VEGFD: variants seen among roughly 807,000 people sequenced by gnomAD.
VEGFD encodes the protein c-fos induced growth factor (vascular endothelial growth factor D).
VEGFD carries 26 observed loss-of-function variants against 28.0 expected under a neutral mutation model. The observed-to-expected ratio is 0.93, with a 90% CI of 0.68 to 1.29. The LOEUF (loss-of-function observed/expected upper bound fraction) is 1.29. Among genes scored for constraint, VEGFD ranks in the 50% most tolerant of loss-of-function variants. VEGFD has a pLI of 0.00. For synonymous variants in VEGFD, 93 were observed against 95.5 expected, an observed-to-expected ratio of 0.97 and a Z score of 0.15; for missense variants, 294 against 273.4, an observed-to-expected ratio of 1.08 and a Z score of -0.53.
At chrX:15,367,292 G>C (rs1468202626) in intron 1 of VEGFD, among the ~76,000 whole-genome samples, 1 of 112,280 alleles carries the variant, frequency 8.9e-6, no homozygotes, top group Non-Finnish European at 1.9e-5. Flanking sequence ...TTTGAATCAA[G>C]GCAAAATTGT....
intron 1 of VEGFD, among the ~76,000 whole-genome samples, chrX:15,366,824 C>G (rs1923159146): frequency 8.9e-6 from 1 of 112,491 alleles, no homozygotes; most frequent in African/African-American, 3.2e-5. Context: ...TGTCTTCTAG[C>G]CCAGATCCAT....
chrX:15,348,958 T>G (rs776347826), intron 5 of VEGFD, among the ~76,000 whole-genome samples: 1 of 112,623 alleles, frequency 8.9e-6, no homozygotes, highest in African/African-American at 3.2e-5. Context: ...CCATATGTTC[T>G]TGCCAATATC....
chrX:15,379,119 C>T (rs1186790673), intron 1 of VEGFD, among the ~76,000 whole-genome samples: 1 of 111,565 alleles, frequency 9.0e-6, no homozygotes, highest in African/African-American at 3.3e-5. Context: ...GTACTGTATC[C>T]GCTCCCCCTA....
intron 5 of VEGFD, among the ~76,000 whole-genome samples, chrX:15,352,822 G>A (rs1201015740): frequency 9.0e-6 from 1 of 111,619 alleles, no homozygotes; most frequent in Non-Finnish European, 1.9e-5. Context: ...TCTGGAATCT[G>A]ACCACTTCTA....
chrX:15,351,027 A>ATTT (rs35997805), intron 5 of VEGFD, among the ~76,000 whole-genome samples: 492 of 14,756 alleles, frequency 0.033, 158 homozygotes, highest in Non-Finnish European at 0.054. Flanking sequence ...ATGCCCAGCT[A>ATTT]TTTTTTTTTT....
At chrX:15,372,587 A>AT (rs921180688) in intron 1 of VEGFD, among the ~76,000 whole-genome samples, 1 of 110,883 alleles carries the variant, frequency 9.0e-6, no homozygotes, top group African/African-American at 3.3e-5. Flanking sequence ...TGCCATCAGG[A>AT]TTTTTTAAAA....
At chrX:15,379,520 G>A (rs1440979715) in intron 1 of VEGFD, among the ~76,000 whole-genome samples, 1 of 111,599 alleles carries the variant, frequency 9.0e-6, no homozygotes, top group Non-Finnish European at 1.9e-5. Context: ...AAGAACTAGT[G>A]GCAAGGAAGA....
Position 15,345,964 on chromosome X carries a change from A to G in VEGFD, c.*169T>C, listed in dbSNP as rs1352884918. On this transcript the variant is annotated 3_prime_UTR_variant, in exon 7 of 7. Transcript: ENST00000297904. Reference sequence around the variant, plus strand: ...ATCTGCAGCTAGAAGACATCCATCAATGAACCAGGGACTCCTTAGCTGGTG... The same window carrying G: ...ATCTGCAGCTAGAAGACATCCATCAGTGAACCAGGGACTCCTTAGCTGGTG... 35 of 527,318 alleles carry G rather than the reference A, an allele frequency of 6.6e-5. 2 individuals carry two copies. Among genetic ancestry groups the G allele is most frequent in the Admixed American group, 3.6e-5 (1 of 27,551 alleles). The allele number at this position is 527,318 out of a possible 1,213,427, so 43.5% of individuals were successfully genotyped here.
At chrX:15,377,393 C>T (rs754542756) in intron 1 of VEGFD, among the ~76,000 whole-genome samples, 16 of 112,000 alleles carry the variant, frequency 1.4e-4, no homozygotes, top group African/African-American at 4.9e-4. Flanking sequence ...GCAAAGTATA[C>T]GTTCTTCCGT....
chrX:15,383,799 G>A (rs1304337431), intron 1 of VEGFD, 58 bp downstream of exon 1: 2 of 896,476 alleles, frequency 2.2e-6, no homozygotes, highest in Non-Finnish European at 3.3e-6. Flanking sequence ...GGCAAAGAAA[G>A]TCCTCTGTAT....
Position 15,353,107 on chromosome X carries a change from A to T in VEGFD, c.703T>A (p.Cys235Ser). 8.4e-7 allele frequency: 1 copy of T among 1,190,092 alleles called. No homozygotes were observed. The highest frequency in any genetic ancestry group is 3.1e-5 in the East Asian group (1 of 32,623). Residue 235 changes from cysteine to serine, a missense_variant, in exon 5 of 7, where the codon TGT (cysteine) becomes AGT (serine). Transcript: ENST00000297904. ...AGTGGATTTTCCTCCTGCAAAACAC[A>T]TTTACATTTGTTGCTATCCCATAGC... The part of the protein sequence containing the change: ...DMLWDSNKCK[C>S]VLQEENPLAG...
intron 1 of VEGFD, among the ~76,000 whole-genome samples, chrX:15,380,368 C>T (rs1183825816): frequency 8.9e-6 from 1 of 112,648 alleles, no homozygotes; most frequent in African/African-American, 3.2e-5. Context: ...TCTTGTGAGC[C>T]ATGTGGCTTC....
At chrX:15,366,311 C>T (rs1316856974) in intron 1 of VEGFD, among the ~76,000 whole-genome samples, 1 of 112,161 alleles carries the variant, frequency 8.9e-6, no homozygotes, top group African/African-American at 3.2e-5. Context: ...CGCCCTGCCC[C>T]TAGTTTGTCA....
Position 15,384,068 on chromosome X carries a change from A to G in VEGFD, c.-122T>C. 2.0e-6 allele frequency: 1 copy of G among 502,916 alleles called. No homozygotes were observed. Among genetic ancestry groups the G allele is most frequent in the East Asian group, 3.7e-5 (1 of 27,338 alleles). The allele number at this position is 502,916 out of a possible 1,213,427, so 41.4% of individuals were successfully genotyped here. A position where few individuals can be genotyped will look rare whatever the true frequency, so the allele number is the denominator to read the frequency against. On this transcript the variant is annotated 5_prime_UTR_variant, in exon 1 of 7. Transcript: ENST00000297904. ...ACCTCAAAACTTCACACAGAAAACC[A>G]AATAATCAGTTCTGATCAAAATCCA... is the stretch of plus-strand genomic sequence containing the variant.
intron 5 of VEGFD, 186 bp from the exon 6 acceptor site, chrX:15,347,545 C>T (rs1922586823): frequency 9.4e-6 from 3 of 320,470 alleles, no homozygotes; most frequent in Admixed American, 1.1e-4. Flanking sequence ...AATACAAACA[C>T]AGGTTTGTGT....
At position 15,347,216 on chromosome X, in the gene VEGFD, T is replaced by G; in HGVS notation, c.886A>C (p.Ser296Arg). ...KNCSCFECKE[S>R]LETCCQKHKL... ...TGCTTCTGGCAGCAGGTCTCCAGACTTTCTTTGCACTCAAAGCAACTGCAG... is the reference window on the plus strand; with the variant it reads ...TGCTTCTGGCAGCAGGTCTCCAGACGTTCTTTGCACTCAAAGCAACTGCAG... The change falls in exon 6 of 7, where the codon AGT becomes CGT. Residue 296 changes from serine to arginine, a missense_variant. Physicochemically the swap from Ser to Arg is moderately radical, Grantham distance 110. Coordinates refer to ENST00000297904, the MANE Select transcript of VEGFD (RefSeq NM_004469.5). 8.3e-7 allele frequency: 1 copy of G among 1,211,781 alleles called. No individual in the cohort carries two copies. The highest frequency in any genetic ancestry group is 1.1e-6 in the Non-Finnish European group (1 of 895,424).
chrX:15,383,855 AC>A lies in VEGFD; in HGVS notation c.90+1del. On this transcript the variant is annotated splice_donor_variant, in intron 1 of 6. Coordinates refer to ENST00000297904, the MANE Select transcript of VEGFD (RefSeq NM_004469.5). LOFTEE classifies it high-confidence loss of function. ...ATCACATTAAAAATTGAGCTCACCT[AC>A]CTTCACTGGTCCATGTTCATTACTG... 1 of 1,202,394 alleles carries A rather than the reference AC, an allele frequency of 8.3e-7. No homozygotes were observed. Among genetic ancestry groups the A allele is most frequent in the Non-Finnish European group, 1.1e-6 (1 of 887,029 alleles).
At chrX:15,356,112 C>T (rs1324976398) in intron 3 of VEGFD, among the ~76,000 whole-genome samples, 1 of 112,246 alleles carries the variant, frequency 8.9e-6, no homozygotes, top group Non-Finnish European at 1.9e-5. Flanking sequence ...GTTGTAAGTG[C>T]TTTCATGTTA....
At chrX:15,364,622 G>C (rs1004471056) in intron 1 of VEGFD, among the ~76,000 whole-genome samples, 1 of 111,617 alleles carries the variant, frequency 9.0e-6, no homozygotes, top group East Asian at 2.8e-4. Context: ...TTGCTGACCC[G>C]GTAGTTACTA....
Sources: gnomAD v4.1 joint callset for allele counts (sites outside exome capture counted in the v4.1 genomes callset) on GRCh38, gnomAD v4.1.1 for gene constraint, MANE v1.5 for transcripts, NCBI Gene and HGNC (gene_info 2026-07-23, HGNC 2026-07-21) for gene names.